Variants in LIPA observed in about 807,000 individuals in gnomAD.
LIPA encodes the protein lysosomal acid lipase/cholesteryl ester hydrolase.
LIPA carries 26 observed loss-of-function variants against 40.6 expected under a neutral mutation model. That is an observed-to-expected ratio of 0.64 (90% confidence interval 0.47 to 0.89). The LOEUF (loss-of-function observed/expected upper bound fraction) is 0.89. LIPA is among the 40% of genes least tolerant of loss of function. LIPA has a pLI of 0.00. For missense variants in LIPA, 455 were observed against 479.6 expected (o/e 0.95, Z 0.48); for synonymous variants, 188 against 168.4 (o/e 1.12, Z -0.90).
intron 2 of LIPA, among the ~76,000 whole-genome samples, chr10:89,359,234 G>A (rs532627563): frequency 6.6e-6 from 1 of 152,000 alleles, no homozygotes; most frequent in South Asian, 2.1e-4. Flanking sequence ...TAGAGAGGGA[G>A]GACACATTTT....
chr10:89,300,858 G>A (rs1003371895), intron 1 of LIPA, among the ~76,000 whole-genome samples: 7 of 152,170 alleles, frequency 4.6e-5, no homozygotes, highest in East Asian at 1.9e-4. Flanking sequence ...GTGGTGGTGC[G>A]TGCCTGTAAT....
chr10:89,378,129 T>C (rs944303678), intron 2 of LIPA: 15 of 1,614,032 alleles, frequency 9.3e-6, no homozygotes, highest in Non-Finnish European at 1.3e-5. Context: ...GCTATCTTCA[T>C]AGCACCATGA....
At chr10:89,352,593 G>T (rs532880353) in intron 2 of LIPA, among the ~76,000 whole-genome samples, 1 of 152,154 alleles carries the variant, frequency 6.6e-6, no homozygotes, top group East Asian at 1.9e-4. Flanking sequence ...GGCTAGCTTT[G>T]TAACTGCCCA....
chr10:89,220,320 G>A (rs1199688910), intron 8 of LIPA, among the ~76,000 whole-genome samples: 1 of 152,138 alleles, frequency 6.6e-6, no homozygotes, highest in African/African-American at 2.4e-5. Context: ...TCATCTCTGG[G>A]GGTGCAATAA....
chr10:89,332,270 G>A (rs1843661936), intron 1 of LIPA, among the ~76,000 whole-genome samples: 1 of 152,254 alleles, frequency 6.6e-6, no homozygotes, highest in Non-Finnish European at 1.5e-5. Context: ...CGTTACGTGA[G>A]TCAGTTTTCA....
chr10:89,362,538 C>T (rs73367489), intron 2 of LIPA: 6,584 of 284,372 alleles, frequency 0.023, 410 homozygotes, highest in African/African-American at 0.13. Context: ...ACCAACCAAG[C>T]AGACATGAGT....
At chr10:89,340,567 A>G in intron 1 of LIPA, 1 of 149,284 alleles carries the variant, frequency 6.7e-6, no homozygotes, top group African/African-American at 2.6e-5. Context: ...CAAAAAAAAA[A>G]AAAAAAAAAA....
rs1843479009 is a variant in LIPA at position 89,306,377 on chromosome 10, G to C, written c.-2+36234C>G. On this transcript the variant is annotated intron_variant, in intron 1 of 5. Coordinates refer to the LIPA transcript ENST00000282673. ...AATTGAGAGTCCAGAGCTTGACTGT[G>C]AGGAAGGGTGGACACGGTTAAAGTG... is the stretch of plus-strand genomic sequence containing the variant. 2 of 1,614,180 alleles carry C rather than the reference G, an allele frequency of 1.2e-6. No individual in the cohort carries two copies. The highest frequency in any genetic ancestry group is 1.3e-5 in the African/African-American group (1 of 75,040).
chr10:89,228,056 C>T lies in LIPA; in HGVS notation c.428+144G>A, dbSNP rs1842792463. 8 of 708,232 alleles carry T rather than the reference C, an allele frequency of 1.1e-5. No individual in the cohort carries two copies. The Admixed American group carries it at 1.7e-4, about 15-fold the overall frequency. The allele number at this position is 708,232 out of a possible 1,614,324, so 43.9% of individuals were successfully genotyped here. On this transcript the variant is annotated intron_variant, in intron 4 of 9. Transcript: ENST00000336233. ...CTGCTAGTCATTAAATTCCTAGCAA[C>T]ATTTAAAACCTTTCAAAAGACACTA...
intron 1 of LIPA, among the ~76,000 whole-genome samples, chr10:89,288,622 G>C (rs771308858): frequency 4.0e-5 from 6 of 151,610 alleles, no homozygotes; most frequent in Non-Finnish European, 8.8e-5. Context: ...CTTCTTTCCT[G>C]TTCCTCATCC....
intron 2 of LIPA, among the ~76,000 whole-genome samples, chr10:89,390,438 C>T (rs1237926270): frequency 3.3e-5 from 5 of 152,180 alleles, no homozygotes; most frequent in Admixed American, 2.0e-4. Flanking sequence ...TTCCAAATGA[C>T]TTCTCAGCTG....
chr10:89,357,059 A>C (rs1008458546), intron 2 of LIPA, among the ~76,000 whole-genome samples: 3 of 152,138 alleles, frequency 2.0e-5, no homozygotes, highest in African/African-American at 7.2e-5. Context: ...AGGGGCCCCC[A>C]GTAGTGTGAC....
chr10:89,326,713 C>T (rs1339394190), intron 1 of LIPA, among the ~76,000 whole-genome samples: 1 of 151,966 alleles, frequency 6.6e-6, no homozygotes, highest in Non-Finnish European at 1.5e-5. Flanking sequence ...TACTATGTGT[C>T]CACAAAAAAT....
chr10:89,236,585 T>A (rs902063082), intron 3 of LIPA, among the ~76,000 whole-genome samples: 7 of 152,242 alleles, frequency 4.6e-5, no homozygotes, highest in Non-Finnish European at 8.8e-5. Context: ...TTGCTTGATA[T>A]GTGTCATAGA....
At position 89,337,502 on chromosome 10, in the gene LIPA, T is replaced by C. The variant is rs1843761487; in HGVS notation, c.-2+5109A>G. ...ACAACTTTTGCCTCCTGGGCTCAAG[T>C]GATCCTCCTGTCTCAGCCTCCCGAA... On this transcript the variant is annotated intron_variant, in intron 1 of 5. Transcript: ENST00000282673. Among the ~76,000 whole-genome samples, 4 of 152,336 alleles carry C rather than the reference T, an allele frequency of 2.6e-5. No individual in the cohort carries two copies. The South Asian group carries it at 8.3e-4, about 32-fold the overall frequency.
chr10:89,244,320 TGTTTAA>T (rs1358301857), intron 3 of LIPA, among the ~76,000 whole-genome samples: 2 of 151,904 alleles, frequency 1.3e-5, no homozygotes, highest in Non-Finnish European at 2.9e-5. Context: ...ACACAAAGGG[TGTTTAA>T]GTTTGCTTTG....
Position 89,356,420 on chromosome 10 carries a change from G to A in LIPA, c.61+56371C>T, listed in dbSNP as rs117411033. On this transcript the variant is annotated intron_variant, in intron 2 of 8. Transcript: ENST00000371837. The stretch of plus-strand genomic sequence containing the variant: ...ATACAGCAGGAGGTGAGCAGCAGGC[G>A]AGCAATCAAAGCTTCCTCTGTATTA... 9.2e-3 allele frequency among the ~76,000 whole-genome samples: 1,398 copies of A among 152,266 alleles called. 12 individuals carry two copies. Among genetic ancestry groups the A allele is most frequent in the Middle Eastern group, 0.024 (7 of 294 alleles).
chr10:89,225,398 T>C (rs544570886), intron 5 of LIPA, among the ~76,000 whole-genome samples, 170 bp from the exon 6 acceptor site: 2 of 152,348 alleles, frequency 1.3e-5, no homozygotes, highest in Non-Finnish European at 2.9e-5. Flanking sequence ...AACTTCCGTG[T>C]GCCCTAACAC....
intron 1 of LIPA, chr10:89,339,017 A>C (rs760126723): frequency 3.7e-6 from 6 of 1,614,206 alleles, no homozygotes; most frequent in Non-Finnish European, 5.1e-6. Flanking sequence ...GATAAGGTGA[A>C]ACAAACCTGC....
Sources: allele counts gnomAD v4.1 joint callset (sites outside exome capture counted in the v4.1 genomes callset), GRCh38; gene constraint gnomAD v4.1.1; transcripts MANE v1.5; gene names NCBI Gene and HGNC (gene_info 2026-07-23, HGNC 2026-07-21).